GLIS1: variants seen among roughly 807,000 people sequenced by gnomAD.
GLIS1 encodes GLIS family zinc finger 1.
GLIS1 carries 24 observed loss-of-function variants against 63.8 expected under a neutral mutation model. That is an observed-to-expected ratio of 0.38 (90% CI 0.27 to 0.53). The LOEUF is 0.53. Ranked by LOEUF, GLIS1 falls within the 20% of genes least tolerant of loss-of-function variation. GLIS1 has a pLI of 0.85. For synonymous variants in GLIS1, 450 were observed against 482.5 expected, an observed-to-expected ratio of 0.93 and a Z score of 0.88; for missense variants, 1,036 against 1,074.1, an observed-to-expected ratio of 0.96 and a Z score of 0.50.
chr1:53,594,129 G>C lies in GLIS1; in HGVS notation c.1299C>G (p.Gly433=). Residue 433 remains glycine, a synonymous_variant, in exon 4 of 11, where the codon GGC becomes GGG. Transcript: ENST00000628545. ...KLLIHMRVHS[G]EKPNKCMFEG... is the part of the protein sequence containing the mutation. ...TCACCATGCACTTGTTGGGCTTCTC[G>C]CCCGAGTGCACTCGCATGTGGATGA... 1.2e-6 allele frequency: 2 copies of C among 1,611,118 alleles called. No individual in the cohort carries two copies. Among genetic ancestry groups the C allele is most frequent in the Non-Finnish European group, 1.7e-6 (2 of 1,177,828 alleles).
chr1:53,614,149 T>C (rs1362963136), intron 2 of GLIS1, among the ~76,000 whole-genome samples: 1 of 152,220 alleles, frequency 6.6e-6, no homozygotes, highest in African/African-American at 2.4e-5. Context: ...GTTCCAGTGA[T>C]GAATGAGAAA....
At chr1:53,553,959 G>A (rs896101548) in intron 4 of GLIS1, among the ~76,000 whole-genome samples, 2 of 152,106 alleles carry the variant, frequency 1.3e-5, no homozygotes, top group African/African-American at 2.4e-5. Context: ...AGGTTCTGGG[G>A]GACAGGGCTC....
At chr1:53,723,476 C>T (rs947103250) in intron 2 of GLIS1, among the ~76,000 whole-genome samples, 4 of 151,988 alleles carry the variant, frequency 2.6e-5, no homozygotes, top group Admixed American at 2.6e-4. Context: ...TCAGGTGATC[C>T]GCCTGCCTTG....
chr1:53,566,998 T>C (rs1266605799), intron 4 of GLIS1, among the ~76,000 whole-genome samples: 2 of 152,170 alleles, frequency 1.3e-5, no homozygotes, highest in African/African-American at 4.8e-5. Context: ...GGAAACAACT[T>C]TGGAACTGGG....
intron 4 of GLIS1, among the ~76,000 whole-genome samples, chr1:53,534,833 G>A (rs933699882): frequency 2.6e-5 from 4 of 151,950 alleles, no homozygotes; most frequent in African/African-American, 9.7e-5. Flanking sequence ...ACCCAAGGGC[G>A]TCAAAGACCC....
At chr1:53,605,308 T>G (rs1645359035) in intron 2 of GLIS1, among the ~76,000 whole-genome samples, 1 of 152,164 alleles carries the variant, frequency 6.6e-6, no homozygotes, top group African/African-American at 2.4e-5. Context: ...TTCGCTGCTC[T>G]GAGGCACACA....
intron 4 of GLIS1, among the ~76,000 whole-genome samples, chr1:53,573,426 G>A (rs1214555195): frequency 2.6e-5 from 4 of 152,120 alleles, no homozygotes; most frequent in African/African-American, 9.7e-5. Flanking sequence ...CCTTCTTGGT[G>A]TACTTCCTCT....
chr1:53,576,853 C>T (rs1349497016), intron 4 of GLIS1, among the ~76,000 whole-genome samples: 1 of 152,132 alleles, frequency 6.6e-6, no homozygotes, highest in Non-Finnish European at 1.5e-5. Context: ...AGTTTTCCCT[C>T]AAATGTCCCC....
chr1:53,528,144 G>A (rs1644491165), intron 5 of GLIS1, among the ~76,000 whole-genome samples: 1 of 152,192 alleles, frequency 6.6e-6, no homozygotes, highest in Admixed American at 6.5e-5. Flanking sequence ...GGGTGCCACG[G>A]GCCCCTTGGG....
chr1:53,711,721 T>G (rs893526052), intron 2 of GLIS1, among the ~76,000 whole-genome samples: 1 of 152,250 alleles, frequency 6.6e-6, no homozygotes, highest in African/African-American at 2.4e-5. Context: ...GTGTGTGGCA[T>G]GTAGCATAAC....
At chr1:53,733,943 A>G (rs1036957061) in intron 2 of GLIS1, 2 of 985,324 alleles carry the variant, frequency 2.0e-6, no homozygotes, top group African/African-American at 3.5e-5. Flanking sequence ...AGGCCTCCCC[A>G]GAACATCACA....
At chr1:53,702,553 A>C (rs969871882) in intron 2 of GLIS1, among the ~76,000 whole-genome samples, 1 of 152,206 alleles carries the variant, frequency 6.6e-6, no homozygotes, top group Admixed American at 6.5e-5. Flanking sequence ...ACCTGGCCAC[A>C]GGCCAGAGTT....
chr1:53,682,104 G>C (rs1646281557), intron 2 of GLIS1, among the ~76,000 whole-genome samples: 1 of 152,196 alleles, frequency 6.6e-6, no homozygotes, highest in Non-Finnish European at 1.5e-5. Flanking sequence ...CTGGCCAGCG[G>C]GGGCCGTTCC....
chr1:53,520,723 C>T lies in GLIS1; in HGVS notation c.1637G>A (p.Cys546Tyr). Residue 546 changes from cysteine (C) to tyrosine (Y), a missense_variant, in exon 7 of 11, where the codon TGT (cysteine) becomes TAT (tyrosine). By Grantham distance (194) the Cys-to-Tyr change is radical (BLOSUM62 -2). Coordinates refer to ENST00000628545, the MANE Select transcript of GLIS1 (RefSeq NM_001367484.1). The part of the protein sequence containing the change: ...PDTEADVLTE[C>Y]LVLQQLHTST... ...CGTGTGGAGCTGCTGCAGGACCAGA[C>T]ACTCGGTCAGGACGTCGGCCTCGGT... 1 of 1,607,050 alleles carries T rather than the reference C, an allele frequency of 6.2e-7. No homozygotes were observed. Among genetic ancestry groups the T allele is most frequent in the South Asian group, 1.1e-5 (1 of 89,426 alleles).
In GLIS1 at chr1:53,594,376, C is replaced by T. The variant is rs111547294; in HGVS notation, c.1052G>A (p.Gly351Asp). 5.7e-4 allele frequency: 913 copies of T among 1,611,458 alleles called. 6 individuals are homozygous for T. The African/African-American group carries it at 0.01, about 18-fold the overall frequency. ...CAGCCCCAGGCCTCCAAGGCTTGGG[C>T]CAGGCGGCAACTGAGACAGGGGATA... ...PPYPLSQLPP[G>D]PSLGGLGLGL... is the part of the protein sequence containing the mutation. Residue 351 changes from glycine (G) to aspartate (D), a missense_variant, in exon 4 of 11, where the codon GGC (glycine) becomes GAC (aspartate). By Grantham distance (94) the Gly-to-Asp change is moderately conservative. Around this residue, in one of 3 missense-constraint regions of GLIS1, gnomAD observed 592 missense variants for 593.9 expected, o/e 1.00. Transcript: ENST00000628545.
In GLIS1 at chr1:53,646,678, C is replaced by T. The variant is rs982546558; in HGVS notation, c.260-46400G>A. Among the ~76,000 whole-genome samples, 6 of 151,958 alleles carry T rather than the reference C, an allele frequency of 3.9e-5. No individual in the cohort carries two copies. The highest frequency in any genetic ancestry group is 8.8e-5 in the Non-Finnish European group (6 of 67,988). ...TACAAAACTTAGCCAGGTGTGGTGG[C>T]GCACATCTGTGGTCCCAGCTACTTG... On this transcript the variant is annotated intron_variant, in intron 2 of 10. Transcript: ENST00000628545. This position sits in a 1 kb window ranked among gnomAD's most constrained non-coding sequence, Gnocchi z 4.2.
chr1:53,653,719 T>C (rs780217181), intron 2 of GLIS1, among the ~76,000 whole-genome samples: 6 of 152,118 alleles, frequency 3.9e-5, no homozygotes, highest in Non-Finnish European at 7.4e-5. Context: ...TGGTAAGCAG[T>C]GAGAGGATCA....
At chr1:53,561,080 T>C (rs991137466) in intron 4 of GLIS1, among the ~76,000 whole-genome samples, 2 of 152,274 alleles carry the variant, frequency 1.3e-5, no homozygotes, top group African/African-American at 2.4e-5. Context: ...TCTACAGACA[T>C]TGACTCATCT....
intron 2 of GLIS1, among the ~76,000 whole-genome samples, chr1:53,720,291 G>A (rs554495096): frequency 8.5e-5 from 13 of 152,202 alleles, no homozygotes; most frequent in African/African-American, 2.9e-4. Context: ...GAGAAAATGC[G>A]GTATAAATAC....
Sources: allele counts gnomAD v4.1 joint callset (sites outside exome capture counted in the v4.1 genomes callset), GRCh38; gene constraint gnomAD v4.1.1; regional missense constraint gnomAD v4.1.1; non-coding constraint Gnocchi (gnomAD v3.1); transcripts MANE v1.5; gene names NCBI Gene and HGNC (gene_info 2026-07-23, HGNC 2026-07-21).